NECTIN3: variants seen among roughly 807,000 people sequenced by gnomAD.
The protein encoded by NECTIN3 is nectin cell adhesion molecule 3, also known as nectin-3.
A neutral mutation model predicts 49.4 loss-of-function variants in NECTIN3; 8 were observed. The observed-to-expected ratio is 0.16, with a 90% CI of 0.10 to 0.29. NECTIN3 has a LOEUF of 0.29. NECTIN3 is among the 10% of genes least tolerant of loss of function. The pLI is 1.00. For missense variants in NECTIN3, 581 were observed against 654.6 expected, an observed-to-expected ratio of 0.89 and a Z score of 1.23; for synonymous variants, 277 against 241.1, an observed-to-expected ratio of 1.15 and a Z score of -1.38.
upstream of NECTIN3, among the ~76,000 whole-genome samples, chr3:111,188,147 G>A (rs1042789239): frequency 3.3e-5 from 5 of 152,126 alleles, no homozygotes; most frequent in Non-Finnish European, 7.4e-5. Flanking sequence ...AACATTTCAG[G>A]TGGTCTGTGG....
At chr3:111,092,694 C>T (rs1259076805) in intron 1 of NECTIN3, among the ~76,000 whole-genome samples, 1 of 152,138 alleles carries the variant, frequency 6.6e-6, no homozygotes, top group Non-Finnish European at 1.5e-5. Flanking sequence ...GTTTCAGTCA[C>T]ACAGTTTTAG....
chr3:111,080,808 G>T (rs924156685), intron 1 of NECTIN3, among the ~76,000 whole-genome samples: 2 of 152,072 alleles, frequency 1.3e-5, no homozygotes, highest in Non-Finnish European at 1.5e-5. Flanking sequence ...TAAAGCTTAT[G>T]AACTCATTAA....
chr3:111,121,988 T>G (rs1692393855), intron 3 of NECTIN3, 133 bp from the exon 4 acceptor site: 2 of 609,948 alleles, frequency 3.3e-6, no homozygotes, highest in Non-Finnish European at 5.7e-6. Flanking sequence ...CTGTATTGAT[T>G]ATACATGTTG....
intron 4 of NECTIN3, among the ~76,000 whole-genome samples, chr3:111,125,742 C>A (rs2034140334): frequency 6.6e-6 from 1 of 152,030 alleles, no homozygotes; most frequent in Non-Finnish European, 1.5e-5. Context: ...ATAGAGGGTG[C>A]TAAAACATTA....
chr3:111,124,035 G>C (rs1051156875), intron 4 of NECTIN3, among the ~76,000 whole-genome samples: 13 of 152,038 alleles, frequency 8.6e-5, no homozygotes, highest in Non-Finnish European at 1.8e-4. Context: ...ACTCTTCCTG[G>C]TGGGATTTTA....
intron 3 of NECTIN3, 29 bp from the exon 4 acceptor site, chr3:111,122,092 A>G: frequency 7.2e-7 from 1 of 1,393,158 alleles, no homozygotes; most frequent in Non-Finnish European, 1.0e-6. Context: ...ACAAAAGGTA[A>G]TCTGTCCTGT....
In NECTIN3 at chr3:111,130,113, C is replaced by T. The variant is rs554741814; in HGVS notation, c.1070-3522C>T. Among the ~76,000 whole-genome samples, 136 of 152,020 alleles carry T rather than the reference C, an allele frequency of 8.9e-4. 2 individuals are homozygous for T. Among genetic ancestry groups the T allele is most frequent in the Middle Eastern group, 3.4e-3 (1 of 294 alleles). On this transcript the variant is annotated intron_variant, in intron 5 of 5. Transcript: ENST00000485303. ...CTGGGACTACAGGTGGCCGCCACTA[C>T]GCCCAGCTAATTTTTTGTATTTTTA...
At chr3:111,127,498 A>G (rs2034213242) in intron 5 of NECTIN3, among the ~76,000 whole-genome samples, 2 of 150,674 alleles carry the variant, frequency 1.3e-5, no homozygotes, top group South Asian at 2.1e-4. Context: ...TGAGTCTAGA[A>G]AGAAGCTTAG....
chr3:111,072,714 C>T (rs553703279), intron 1 of NECTIN3: 6 of 850,288 alleles, frequency 7.1e-6, no homozygotes, highest in Middle Eastern at 6.5e-4. Flanking sequence ...GTCTTGTGCC[C>T]ACTCCCCCGG....
chr3:111,123,621 G>A (rs1224390638), intron 4 of NECTIN3, among the ~76,000 whole-genome samples: 2 of 152,100 alleles, frequency 1.3e-5, no homozygotes, highest in East Asian at 3.9e-4. Flanking sequence ...ACAGAGTTGG[G>A]AGGAATCTGT....
Position 111,108,239 on chromosome 3 carries a change from T to G in NECTIN3, c.161-3791T>G, listed in dbSNP as rs1293100893. Among the ~76,000 whole-genome samples, 3 of 133,682 alleles carry G rather than the reference T, an allele frequency of 2.2e-5. No individual in the cohort carries two copies. In the East Asian group the frequency reaches 6.3e-4, roughly 28 times the overall value. The allele number at this position is 133,682 out of a possible 152,430, so 87.7% of individuals were successfully genotyped here. A position where few individuals can be genotyped will look rare whatever the true frequency, so the allele number is the denominator to read the frequency against. Reference sequence around the variant, plus strand: ...CACTTCTAAATTTTTTTTTTTTTTTTGTAAATATCAACTTTGTTCATTAGG... The same window carrying G: ...CACTTCTAAATTTTTTTTTTTTTTTGGTAAATATCAACTTTGTTCATTAGG... On this transcript the variant is annotated intron_variant, in intron 1 of 5. Coordinates refer to ENST00000485303, the MANE Select transcript of NECTIN3 (RefSeq NM_015480.3).
intron 1 of NECTIN3, among the ~76,000 whole-genome samples, chr3:111,090,721 T>A (rs2032217038): frequency 6.6e-6 from 1 of 152,008 alleles, no homozygotes; most frequent in South Asian, 2.1e-4. Flanking sequence ...GGAATTCTTT[T>A]TCTTACTCTG....
chr3:111,078,254 T>C (rs1354787806), intron 1 of NECTIN3, among the ~76,000 whole-genome samples: 1 of 152,154 alleles, frequency 6.6e-6, no homozygotes, highest in Non-Finnish European at 1.5e-5. Flanking sequence ...TTGCTCTTCC[T>C]ACCTAATCAA....
rs183841058 is a variant in NECTIN3, at chr3:111,094,757, C to T, written c.161-17273C>T. Among the ~76,000 whole-genome samples the T allele has an allele frequency of 1.3e-3, 192 of 152,294 alleles. 3 individuals carry two copies. Among genetic ancestry groups the T allele is most frequent in the South Asian group, 8.9e-3 (43 of 4,826 alleles). On this transcript the variant is annotated intron_variant, in intron 1 of 5. Coordinates refer to ENST00000485303, the MANE Select transcript of NECTIN3 (RefSeq NM_015480.3). ...CTCATTAGAGACTAGTGACCCAGTG[C>T]ACAGGGTTTTCATTTGGGGCTGATC...
upstream of NECTIN3, among the ~76,000 whole-genome samples, chr3:111,190,747 A>C (rs531777377): frequency 1.3e-5 from 2 of 152,240 alleles, no homozygotes; most frequent in African/African-American, 4.8e-5. Context: ...AGGTTTCAAC[A>C]TATGAATTTT....
chr3:111,136,673 G>A lies in NECTIN3; in HGVS notation c.*2458G>A, dbSNP rs73229192. 12 of 910,462 alleles carry A rather than the reference G, an allele frequency of 1.3e-5. No homozygotes were observed. In the South Asian group the frequency reaches 1.5e-4, roughly 12 times the overall value. The allele number at this position is 910,462 out of a possible 1,614,324, so 56.4% of individuals were successfully genotyped here. On this transcript the variant is annotated 3_prime_UTR_variant, in exon 6 of 6. Transcript: ENST00000485303. ...AGGTATATATGAAAATTCTACTATC[G>A]TGAAAAAAAATGAATATTTGTACTA... is the stretch of plus-strand genomic sequence containing the variant.
intron 7 of NECTIN3, among the ~76,000 whole-genome samples, chr3:111,152,608 T>A (rs935178147): frequency 6.6e-6 from 1 of 151,962 alleles, no homozygotes; most frequent in Non-Finnish European, 1.5e-5. Context: ...TGAAAATATT[T>A]TGTTTTGATT....
chr3:111,094,647 A>G (rs2107402361), intron 1 of NECTIN3, among the ~76,000 whole-genome samples: 1 of 152,330 alleles, frequency 6.6e-6, no homozygotes, highest in African/African-American at 2.4e-5. Flanking sequence ...AGGATTCCAC[A>G]GTCCTTTTTC....
At position 111,072,195 on chromosome 3, in the gene NECTIN3, G is replaced by T; in HGVS notation, c.160+18G>T. 6.5e-7 allele frequency: 1 copy of T among 1,536,044 alleles called. No homozygotes were observed. Among genetic ancestry groups the T allele is most frequent in the Non-Finnish European group, 8.7e-7 (1 of 1,144,042 alleles). On this transcript the variant is annotated intron_variant, in intron 1 of 5. Transcript: ENST00000485303. ...GCTCTGTGGTAGGTGAACCTCGGCG[G>T]CCGGCGTGGGCTGAGGGAGCCGCCA...
Sources: gnomAD v4.1 joint callset for allele counts (sites outside exome capture counted in the v4.1 genomes callset) on GRCh38, gnomAD v4.1.1 for gene constraint, MANE v1.5 for transcripts, NCBI Gene and HGNC (gene_info 2026-07-23, HGNC 2026-07-21) for gene names.